Variants in SLC9A7 observed in about 807,000 individuals in gnomAD.
SLC9A7 encodes solute carrier family 9 member A7, also known as sodium/hydrogen exchanger 7.
In SLC9A7, 19 loss-of-function variants were observed where a neutral mutation model predicts 52.6. The ratio of observed to expected loss-of-function variants is 0.36; its 90% CI spans 0.25 to 0.53. SLC9A7 has a LOEUF of 0.53. SLC9A7 is among the 20% of genes least tolerant of loss of function. The probability of loss-of-function intolerance (pLI) is 0.91; values close to 1 mark genes in which losing one functional copy is unlikely to be tolerated. For missense variants in SLC9A7, 455 were observed against 597.9 expected (o/e 0.76, Z 2.49); for synonymous variants, 226 against 252.1 (o/e 0.90, Z 0.98).
intron 3 of SLC9A7, among the ~76,000 whole-genome samples, chrX:46,678,211 G>T (rs2146859409): frequency 9.0e-6 from 1 of 110,641 alleles, no homozygotes; most frequent in East Asian, 2.8e-4. Context: ...TAAGGATGTT[G>T]TTGAGTTTTA....
At chrX:46,753,891 CAGG>C (rs782621899) in intron 1 of SLC9A7, among the ~76,000 whole-genome samples, 82 of 110,052 alleles carry the variant, frequency 7.5e-4, no homozygotes, top group African/African-American at 2.6e-3. Flanking sequence ...GAGGCTGAGG[CAGG>C]AGAATGGCAT....
chrX:46,676,312 G>A (rs1336749743), intron 3 of SLC9A7, among the ~76,000 whole-genome samples: 6 of 111,576 alleles, frequency 5.4e-5, no homozygotes, highest in Non-Finnish European at 9.4e-5. Context: ...GCTGGTGTCC[G>A]CTGCAGAATT....
chrX:46,629,104 T>C (rs1042519380), intron 14 of SLC9A7, among the ~76,000 whole-genome samples: 1 of 112,177 alleles, frequency 8.9e-6, no homozygotes, highest in African/African-American at 3.2e-5. Flanking sequence ...TCTGCATGAC[T>C]GTGTATGAGG....
At chrX:46,722,499 A>C (rs1944876676) in intron 1 of SLC9A7, among the ~76,000 whole-genome samples, 1 of 112,370 alleles carries the variant, frequency 8.9e-6, no homozygotes, top group African/African-American at 3.2e-5. Context: ...TAGTTACCTG[A>C]ATTATTCTAA....
intron 1 of SLC9A7, among the ~76,000 whole-genome samples, chrX:46,686,728 C>T (rs952217932): frequency 9.0e-6 from 1 of 111,687 alleles, no homozygotes; most frequent in African/African-American, 3.3e-5. Flanking sequence ...AGAGAAATAA[C>T]CTACTGTGTG....
Position 46,601,388 on chromosome X carries a change from T to G in SLC9A7, c.*5564A>C, listed in dbSNP as rs1206830283. On this transcript the variant is annotated 3_prime_UTR_variant, in exon 17 of 17. Transcript: ENST00000616978. The stretch of plus-strand genomic sequence containing the variant: ...TACTGCAGACAAGGACAGGGAGAGA[T>G]AGGATGATGGGATGACGTCAAACAG... The G allele has an allele frequency of 7.1e-5, 8 of 112,363 alleles. No homozygotes were observed. The highest frequency in any genetic ancestry group is 9.4e-5 in the Admixed American group (1 of 10,629). 9.3% of individuals were successfully genotyped at this position (112,363 alleles called of 1,213,427 possible). A position where few individuals can be genotyped will look rare whatever the true frequency, so the allele number is the denominator to read the frequency against.
intron 1 of SLC9A7, chrX:46,725,263 T>C (rs879210940): frequency 3.5e-5 from 39 of 1,127,845 alleles, no homozygotes; most frequent in Non-Finnish European, 4.6e-5. Context: ...GCAGATGCTG[T>C]CTCATACAAA....
At chrX:46,648,635 CTTG>C (rs749826564) in intron 11 of SLC9A7, 48 bp downstream of exon 11, 24 of 920,869 alleles carry the variant, frequency 2.6e-5, no homozygotes, top group Non-Finnish European at 3.6e-5. Flanking sequence ...TAATCATATT[CTTG>C]TTACCTGCTG....
chrX:46,640,673 C>T (rs1943392589), intron 12 of SLC9A7, among the ~76,000 whole-genome samples: 1 of 112,391 alleles, frequency 8.9e-6, no homozygotes, highest in Admixed American at 9.4e-5. Context: ...GAATAAAGAA[C>T]TCTAAAAACT....
At chrX:46,631,248 GCT>G (rs1053688872) in intron 14 of SLC9A7, among the ~76,000 whole-genome samples, 1 of 112,116 alleles carries the variant, frequency 8.9e-6, no homozygotes, top group African/African-American at 3.2e-5. Context: ...AAATCGTATT[GCT>G]CTCTTTCTCC....
chrX:46,620,793 CAG>C (rs1400392876), intron 15 of SLC9A7, among the ~76,000 whole-genome samples, 182 bp downstream of exon 15: 1 of 112,296 alleles, frequency 8.9e-6, no homozygotes, highest in African/African-American at 3.2e-5. Flanking sequence ...TCCTCTTGGC[CAG>C]AGAGATACTC....
At chrX:46,694,452 A>C (rs1375453147) in intron 1 of SLC9A7, among the ~76,000 whole-genome samples, 1 of 112,053 alleles carries the variant, frequency 8.9e-6, no homozygotes, top group Non-Finnish European at 1.9e-5. Flanking sequence ...CATTTCACCA[A>C]AAGAAATTAT....
At chrX:46,667,466 C>T (rs368454918) in intron 5 of SLC9A7, among the ~76,000 whole-genome samples, 2 of 111,060 alleles carry the variant, frequency 1.8e-5, no homozygotes, top group East Asian at 5.6e-4. Context: ...CCATTAGCCA[C>T]ATGTGGCTAT....
At position 46,611,296 on chromosome X, in the gene SLC9A7, T is replaced by C. The variant is rs947252276; in HGVS notation, c.1929+1993A>G. ...ACCTAACAGGTAACTAGCATTATTATTTAGGCTGATAGATATTACATTTAA... is the reference window on the plus strand; with the variant it reads ...ACCTAACAGGTAACTAGCATTATTACTTAGGCTGATAGATATTACATTTAA... On this transcript the variant is annotated intron_variant, in intron 16 of 16. Transcript: ENST00000616978. 1.8e-5 allele frequency among the ~76,000 whole-genome samples: 2 copies of C among 112,420 alleles called. 1 individual carries two copies. Among genetic ancestry groups the C allele is most frequent in the Non-Finnish European group, 3.7e-5 (2 of 53,336 alleles).
intron 1 of SLC9A7, among the ~76,000 whole-genome samples, chrX:46,741,376 A>C (rs1159147467): frequency 8.9e-6 from 1 of 111,989 alleles, no homozygotes; most frequent in Non-Finnish European, 1.9e-5. Context: ...CCCAATTTTA[A>C]GACCTTCTAT....
intron 5 of SLC9A7, among the ~76,000 whole-genome samples, chrX:46,664,072 G>A (rs767649537): frequency 1.8e-5 from 2 of 111,312 alleles, no homozygotes; most frequent in South Asian, 7.6e-4. Context: ...GGGCAATATC[G>A]CCCCTGACTG....
At chrX:46,660,344 G>C (rs1943791532) in intron 7 of SLC9A7, among the ~76,000 whole-genome samples, 1 of 111,729 alleles carries the variant, frequency 9.0e-6, no homozygotes, top group South Asian at 3.7e-4. Flanking sequence ...CAAAAGCAAT[G>C]GCAACGAAAG....
intron 1 of SLC9A7, among the ~76,000 whole-genome samples, chrX:46,755,823 GAA>G (rs10718607): frequency 1.3e-3 from 96 of 73,859 alleles, no homozygotes; most frequent in South Asian, 5.8e-3. Flanking sequence ...CTCCGTCTTG[GAA>G]AAAAAAAAAA....
intron 1 of SLC9A7, among the ~76,000 whole-genome samples, chrX:46,713,432 T>C (rs1039462177): frequency 1.9e-5 from 2 of 107,530 alleles, no homozygotes; most frequent in Non-Finnish European, 3.8e-5. Flanking sequence ...ACCCGGGAGG[T>C]GGAGGTTGCA....
Sources: allele counts gnomAD v4.1 joint callset (sites outside exome capture counted in the v4.1 genomes callset), GRCh38; gene constraint gnomAD v4.1.1; transcripts MANE v1.5; gene names NCBI Gene and HGNC (gene_info 2026-07-23, HGNC 2026-07-21).